The following NTRK2 variants were observed in gnomAD, a reference collection of about 807,000 sequenced individuals.
The protein encoded by NTRK2 is BDNF/NT-3 growth factors receptor.
In NTRK2, 13 loss-of-function variants were observed where a neutral mutation model predicts 94.5. That is an observed-to-expected ratio of 0.14 (90% confidence interval 0.09 to 0.22). The LOEUF (loss-of-function observed/expected upper bound fraction) is 0.22. Among genes scored for constraint, NTRK2 ranks in the 10% least tolerant of loss-of-function variants. NTRK2 has a pLI of 1.00. For missense variants in NTRK2, 639 were observed against 1,071.2 expected (o/e 0.60, Z 5.63); for synonymous variants, 372 against 407.4 (o/e 0.91, Z 1.05).
In NTRK2 at chr9:85,021,374, C is replaced by A. The variant is rs2118014676; in HGVS notation, c.2454C>A (p.Gly818=). The A allele has an allele frequency of 6.2e-7, 1 of 1,614,190 alleles. No individual in the cohort carries two copies. Among genetic ancestry groups the A allele is most frequent in the Non-Finnish European group, 8.5e-7 (1 of 1,180,022 alleles). The change falls in exon 19 of 19, where the codon GGC becomes GGA. Residue 818 remains glycine, a synonymous_variant. Coordinates refer to ENST00000277120, the MANE Select transcript of NTRK2 (RefSeq NM_006180.6). ...CCCACATGAGGAAGAACATCAAGGG[C>A]ATCCATACCCTCCTTCAGAACTTGG... ...REPHMRKNIK[G]IHTLLQNLAK...
chr9:84,843,351 C>T (rs924992595), intron 12 of NTRK2, among the ~76,000 whole-genome samples: 8 of 152,186 alleles, frequency 5.3e-5, no homozygotes, highest in Non-Finnish European at 1.0e-4. Context: ...GCACAGCATT[C>T]TCTCAGTTCC....
intron 12 of NTRK2, among the ~76,000 whole-genome samples, chr9:84,783,608 T>C (rs2067827255): frequency 6.6e-6 from 1 of 152,102 alleles, no homozygotes. Flanking sequence ...TCCTCAGAGA[T>C]GGGCATTGAA....
intron 12 of NTRK2, among the ~76,000 whole-genome samples, chr9:84,795,705 G>A (rs1220363644): frequency 6.6e-6 from 1 of 152,146 alleles, no homozygotes; most frequent in Non-Finnish European, 1.5e-5. Context: ...ACTCACTAAG[G>A]TATCTGCTCA....
chr9:85,023,179 A>G lies in NTRK2; in HGVS notation c.*1742A>G, dbSNP rs1269081170. 2 of 233,056 alleles carry G rather than the reference A, an allele frequency of 8.6e-6. No homozygotes were observed. Among genetic ancestry groups the G allele is most frequent in the East Asian group, 1.2e-4 (2 of 16,554 alleles). The allele number at this position is 233,056 out of a possible 1,614,324, so 14.4% of individuals were successfully genotyped here. On this transcript the variant is annotated 3_prime_UTR_variant, in exon 19 of 19. Coordinates refer to ENST00000277120, the MANE Select transcript of NTRK2 (RefSeq NM_006180.6). ...TAAATAGAAATTTACAGCTATTTGA[A>G]TGGTCAGATATACCAAGAAAGAAAA...
chr9:85,015,524 C>T (rs1257636710), intron 17 of NTRK2, among the ~76,000 whole-genome samples: 1 of 152,168 alleles, frequency 6.6e-6, no homozygotes, highest in Admixed American at 6.5e-5. Flanking sequence ...CCCCAAAGAG[C>T]AGCATTCATG....
At chr9:84,689,196 A>T (rs559605802) in intron 2 of NTRK2, among the ~76,000 whole-genome samples, 2 of 152,258 alleles carry the variant, frequency 1.3e-5, no homozygotes, top group East Asian at 1.9e-4. Flanking sequence ...AAAGCAAAAG[A>T]CTCTGCCTTG....
intron 14 of NTRK2, chr9:84,876,575 A>G: frequency 9.5e-7 from 1 of 1,056,992 alleles, no homozygotes; most frequent in Non-Finnish European, 1.1e-6. Flanking sequence ...AGATGGACTA[A>G]CTGGTCTCAC....
intron 17 of NTRK2, among the ~76,000 whole-genome samples, chr9:84,991,480 C>T (rs1829059543): frequency 6.6e-6 from 1 of 152,142 alleles, no homozygotes; most frequent in African/African-American, 2.4e-5. Context: ...GGGTGCATCC[C>T]CTGGTCGGTT....
At chr9:84,749,752 G>T (rs1156864749) in intron 11 of NTRK2, among the ~76,000 whole-genome samples, 1 of 152,154 alleles carries the variant, frequency 6.6e-6, no homozygotes, top group African/African-American at 2.4e-5. Flanking sequence ...GAGATGCAGA[G>T]AGGTTAAGTA....
chr9:84,862,762 G>A (rs1345834175), intron 13 of NTRK2, among the ~76,000 whole-genome samples: 2 of 152,194 alleles, frequency 1.3e-5, no homozygotes, highest in African/African-American at 2.4e-5. Context: ...GGAGGGAAGG[G>A]AGAACTTGGG....
chr9:84,813,631 C>T (rs1288081599), intron 12 of NTRK2: 2 of 1,066,028 alleles, frequency 1.9e-6, no homozygotes, highest in African/African-American at 3.3e-5. Flanking sequence ...CTGTGACCCT[C>T]AGCTGTCTCC....
intron 17 of NTRK2, among the ~76,000 whole-genome samples, chr9:84,966,796 G>A (rs932253885): frequency 1.3e-5 from 2 of 152,130 alleles, no homozygotes; most frequent in African/African-American, 4.8e-5. Flanking sequence ...GATATAACAC[G>A]GTCTCCTCTA....
chr9:84,885,802 C>G (rs985036045), intron 14 of NTRK2, among the ~76,000 whole-genome samples: 1 of 152,054 alleles, frequency 6.6e-6, no homozygotes, highest in East Asian at 1.9e-4. Flanking sequence ...CCGAGGCAGG[C>G]GGATTATGAG....
At chr9:84,722,495 G>A (rs374403933) in intron 6 of NTRK2, among the ~76,000 whole-genome samples, 27 of 152,092 alleles carry the variant, frequency 1.8e-4, no homozygotes, top group East Asian at 9.7e-4. Flanking sequence ...AAAATGAATC[G>A]CCTTCTTTGA....
intron 12 of NTRK2, among the ~76,000 whole-genome samples, chr9:84,803,574 A>G (rs2070753413): frequency 6.6e-6 from 1 of 152,146 alleles, no homozygotes; most frequent in Non-Finnish European, 1.5e-5. Flanking sequence ...TCTGGGGATG[A>G]CCACTTGAAC....
chr9:84,947,463 C>T (rs2078637761), intron 15 of NTRK2, among the ~76,000 whole-genome samples: 1 of 152,118 alleles, frequency 6.6e-6, no homozygotes, highest in Non-Finnish European at 1.5e-5. Flanking sequence ...AGTGACCACA[C>T]CCAATATAGC....
At chr9:84,914,646 T>A (rs906791142) in intron 14 of NTRK2, among the ~76,000 whole-genome samples, 1 of 152,078 alleles carries the variant, frequency 6.6e-6, no homozygotes, top group Non-Finnish European at 1.5e-5. Flanking sequence ...TTCGCTGGAG[T>A]ATAGCGATTC....
At chr9:84,814,067 T>C (rs2072108815) in intron 12 of NTRK2, 24 of 1,065,184 alleles carry the variant, frequency 2.3e-5, no homozygotes, top group Non-Finnish European at 2.7e-5. Context: ...GATAATTGAT[T>C]CAGGGGTTTT....
Position 84,934,218 on chromosome 9 carries a change from G to A in NTRK2, c.1690G>A (p.Ala564Thr). ...IVLKRELGEG[A>T]FGKVFLAECY... ...TCTGAAAAGGGAGCTAGGCGAAGGA[G>A]CCTTTGGAAAAGTGTTCCTAGCTGA... The change falls in exon 15 of 19, where the codon GCC (alanine) becomes ACC (threonine). Residue 564 changes from alanine to threonine, a missense_variant. Physicochemically the swap from Ala to Thr is moderately conservative, Grantham distance 58 (BLOSUM62 0). This residue lies in a region of NTRK2 where 343 missense variants were observed against 571.5 expected (regional missense o/e 0.60). Coordinates refer to ENST00000277120, the MANE Select transcript of NTRK2 (RefSeq NM_006180.6). 2.5e-6 allele frequency: 4 copies of A among 1,613,980 alleles called. No homozygotes were observed. The highest frequency in any genetic ancestry group is 3.4e-6 in the Non-Finnish European group (4 of 1,179,912).
Sources: gnomAD v4.1 joint callset for allele counts (sites outside exome capture counted in the v4.1 genomes callset) on GRCh38, gnomAD v4.1.1 for gene constraint, gnomAD v4.1.1 regional missense constraint, MANE v1.5 for transcripts, NCBI Gene and HGNC (gene_info 2026-07-23, HGNC 2026-07-21) for gene names.